The following CARD14 variants were observed in gnomAD, a reference collection of about 807,000 sequenced individuals.
CARD14 encodes the protein caspase recruitment domain-containing protein 14.
Under a neutral mutation model 111.5 loss-of-function variants are expected in CARD14, and 107 were observed. The observed-to-expected ratio is 0.96, with a 90% CI of 0.82 to 1.13. CARD14 has a LOEUF of 1.13. Among genes scored for constraint, CARD14 ranks in the 50% most tolerant of loss-of-function variants. CARD14 has a pLI of 0.00. For synonymous variants in CARD14, 617 were observed against 579.6 expected (o/e 1.06, Z -0.93); for missense variants, 1,322 against 1,362.3 (o/e 0.97, Z 0.47).
At position 80,199,007 on chromosome 17, in the gene CARD14, G is replaced by A. The variant is rs945555255; in HGVS notation, c.1851+416G>A. ...TCTGTCACCCAGGCTAGAGTGCTGCGGTGCGATCACAGCTCACTGCAGCCT... is the reference window on the plus strand; with the variant it reads ...TCTGTCACCCAGGCTAGAGTGCTGCAGTGCGATCACAGCTCACTGCAGCCT... On this transcript the variant is annotated intron_variant, in intron 16 of 23. Transcript: ENST00000648509. 40 of 810,526 alleles carry A rather than the reference G, an allele frequency of 4.9e-5. No homozygotes were observed. The South Asian group carries it at 5.9e-4, about 12-fold the overall frequency. The allele number at this position is 810,526 out of a possible 1,614,324, so 50.2% of individuals were successfully genotyped here. A position where few individuals can be genotyped will look rare whatever the true frequency, so the allele number is the denominator to read the frequency against.
chr17:80,201,973 G>A lies in CARD14; in HGVS notation c.1978+103G>A. The A allele has an allele frequency of 7.0e-7, 1 of 1,432,670 alleles. No individual in the cohort carries two copies. The highest frequency in any genetic ancestry group is 9.4e-7 in the Non-Finnish European group (1 of 1,061,374). 88.7% of individuals were successfully genotyped at this position (1,432,670 alleles called of 1,614,324 possible). A position where few individuals can be genotyped will look rare whatever the true frequency, so the allele number is the denominator to read the frequency against. On this transcript the variant is annotated intron_variant, in intron 17 of 23. Coordinates refer to ENST00000648509, the MANE Select transcript of CARD14 (RefSeq NM_001366385.1). This position sits in a 1 kb window ranked among gnomAD's most constrained non-coding sequence, Gnocchi z 5.0. The stretch of plus-strand genomic sequence containing the variant: ...CACGCCCAGCAGCCAGGGACCCCCA[G>A]AGCCAAGAGAGGATCAGCCAGGCTG...
rs1180519377 is a variant in CARD14, at chr17:80,198,724, T to G, written c.1851+133T>G. 1 of 1,568,380 alleles carries G rather than the reference T, an allele frequency of 6.4e-7. No homozygotes were observed. Among genetic ancestry groups the G allele is most frequent in the Non-Finnish European group, 8.6e-7 (1 of 1,159,200 alleles). On this transcript the variant is annotated intron_variant, in intron 16 of 23. Transcript: ENST00000648509. This position sits in a 1 kb window ranked among gnomAD's most constrained non-coding sequence, Gnocchi z 7.5. ...TCTGGGCTGGGCCTCTGCTCTTTCC[T>G]GGGCTGACGTAAAGCGTTCTGCTCA...
At position 80,204,323 on chromosome 17, in the gene CARD14, G is replaced by A. The variant is rs1276629687; in HGVS notation, c.2380G>A (p.Asp794Asn). Residue 794 changes from aspartate to asparagine, a missense_variant, in exon 20 of 24, where the codon GAC becomes AAC. By Grantham distance (23) the Asp-to-Asn change is conservative. Transcript: ENST00000648509. ...TTTGTCCTTTGACAGGGGCCAGTTG[G>A]ACCCCAGCAGGATGGAGGGTGAGGC... Reference protein sequence around the residue: ...LRLSFDRGQLDPSRMEGSSTC... With the variant: ...LRLSFDRGQLNPSRMEGSSTC... 2 of 1,582,796 alleles carry A rather than the reference G, an allele frequency of 1.3e-6. No homozygotes were observed. Among genetic ancestry groups the A allele is most frequent in the Non-Finnish European group, 1.7e-6 (2 of 1,159,796 alleles).
chr17:80,205,683 C>T, intron 22 of CARD14, 31 bp downstream of exon 22: 1 of 1,524,706 alleles, frequency 6.6e-7, no homozygotes. Context: ...GGCAGGGGAG[C>T]TGTCCTGGGA....
At position 80,189,971 on chromosome 17, in the gene CARD14, G is replaced by A; in HGVS notation, c.963+99G>A. On this transcript the variant is annotated intron_variant, in intron 9 of 23. Transcript: ENST00000648509. This position sits in a 1 kb window ranked among gnomAD's most constrained non-coding sequence, Gnocchi z 4.7. ...AGCCAGATTCCTTCATCCACGCCGA[G>A]CTCACATAATTTTGCTGAACGAATC... 1 of 1,472,100 alleles carries A rather than the reference G, an allele frequency of 6.8e-7. No individual in the cohort carries two copies. Among genetic ancestry groups the A allele is most frequent in the Non-Finnish European group, 8.9e-7 (1 of 1,117,470 alleles). 91.2% of individuals were successfully genotyped at this position (1,472,100 alleles called of 1,614,324 possible).
intron 4 of CARD14, 39 bp from the exon 5 acceptor site, chr17:80,181,380 C>A: frequency 6.7e-7 from 1 of 1,488,248 alleles, no homozygotes. Flanking sequence ...TGGGGTCCTG[C>A]TTACCTGACA....
In CARD14 at chr17:80,189,455, C is replaced by T. The variant is rs1457430183; in HGVS notation, c.844-298C>T. On this transcript the variant is annotated intron_variant, in intron 8 of 23. Coordinates refer to ENST00000648509, the MANE Select transcript of CARD14 (RefSeq NM_001366385.1). The surrounding 1 kb of genome is among the most constrained non-coding windows in gnomAD (Gnocchi z 4.7). Reference sequence around the variant, plus strand: ...ATGACCTGTCTGCTGGTTTCTCCCTCGCTGTGAAACTGCCGGTAGATCTGT... The same window carrying T: ...ATGACCTGTCTGCTGGTTTCTCCCTTGCTGTGAAACTGCCGGTAGATCTGT... Among the ~76,000 whole-genome samples the T allele has an allele frequency of 1.3e-5, 2 of 152,200 alleles. No homozygotes were observed. Among genetic ancestry groups the T allele is most frequent in the African/African-American group, 2.4e-5 (1 of 41,458 alleles).
chr17:80,199,724 C>CAA (rs553403089), intron 16 of CARD14, among the ~76,000 whole-genome samples: 3,214 of 116,636 alleles, frequency 0.028, 119 homozygotes, highest in African/African-American at 0.089. Context: ...ACTAAAAATA[C>CAA]AAAAAAAAAA....
Position 80,198,291 on chromosome 17 carries a change from GGGA to G in CARD14, c.1659-103_1659-101del, listed in dbSNP as rs1297778691. 6 of 1,565,660 alleles carry G rather than the reference GGGA, an allele frequency of 3.8e-6. No homozygotes were observed. Among genetic ancestry groups the G allele is most frequent in the Middle Eastern group, 1.8e-4 (1 of 5,626 alleles). On this transcript the variant is annotated intron_variant, in intron 15 of 23. Transcript: ENST00000648509. This position sits in a 1 kb window ranked among gnomAD's most constrained non-coding sequence, Gnocchi z 7.5. ...TTCCAAGCACATGGGGCCATGGAGGGGGAGGAGAATTCCAGAACACTGGGGCCA... is the reference window on the plus strand; with the variant it reads ...TTCCAAGCACATGGGGCCATGGAGGGGGAGAATTCCAGAACACTGGGGCCA...
chr17:80,183,844 T>C (rs1326009946), intron 6 of CARD14, 69 bp from the exon 7 acceptor site: 3 of 1,296,402 alleles, frequency 2.3e-6, no homozygotes, highest in African/African-American at 1.5e-5. Context: ...GCTCACCTGC[T>C]CACCTACCCA....
chr17:80,200,048 C>T (rs1221332365), intron 16 of CARD14, among the ~76,000 whole-genome samples: 3 of 151,720 alleles, frequency 2.0e-5, no homozygotes, highest in Non-Finnish European at 4.4e-5. Flanking sequence ...AGCACAGAGG[C>T]GGGGAGAGGA....
chr17:80,194,009 C>T (rs1055681409), intron 12 of CARD14, among the ~76,000 whole-genome samples: 2 of 152,204 alleles, frequency 1.3e-5, no homozygotes, highest in Middle Eastern at 3.4e-3. Flanking sequence ...GGCAACTGAC[C>T]GATCAGCTGC....
At position 80,189,177 on chromosome 17, in the gene CARD14, GA is replaced by G. The variant is rs369589014; in HGVS notation, c.844-573del. Among the ~76,000 whole-genome samples the G allele has an allele frequency of 6.8e-3, 1,035 of 152,318 alleles. 7 individuals carry two copies. The highest frequency in any genetic ancestry group is 0.021 in the African/African-American group (870 of 41,570). Reference sequence around the variant, plus strand: ...CATGGGATTCGCGTTAAGGATGGGGGAAAGAAACCTTTCTGCCTGGAAAGAC... The same window carrying G: ...CATGGGATTCGCGTTAAGGATGGGGGAAGAAACCTTTCTGCCTGGAAAGAC... On this transcript the variant is annotated intron_variant, in intron 8 of 23. Transcript: ENST00000648509. The surrounding 1 kb of genome is among the most constrained non-coding windows in gnomAD (Gnocchi z 4.7).
chr17:80,184,254 G>C lies in CARD14; in HGVS notation c.675+16G>C, dbSNP rs2040269954. ...GCAGGAGGAGGTAGGGGGACACCCT[G>C]CACCCCGGCGCGACCCTGCTGTCGT... On this transcript the variant is annotated intron_variant, in intron 7 of 23. Coordinates refer to ENST00000648509, the MANE Select transcript of CARD14 (RefSeq NM_001366385.1). 2 of 1,494,096 alleles carry C rather than the reference G, an allele frequency of 1.3e-6. No homozygotes were observed. Among genetic ancestry groups the C allele is most frequent in the African/African-American group, 1.4e-5 (1 of 72,098 alleles). The allele number at this position is 1,494,096 out of a possible 1,614,324, so 92.6% of individuals were successfully genotyped here. A position where few individuals can be genotyped will look rare whatever the true frequency, so the allele number is the denominator to read the frequency against.
intron 7 of CARD14, among the ~76,000 whole-genome samples, chr17:80,186,284 C>T (rs2040342286): frequency 6.6e-6 from 1 of 152,234 alleles, no homozygotes; most frequent in Non-Finnish European, 1.5e-5. Context: ...CCGTGGCTGA[C>T]TCTGTTCTTG....
In CARD14 at chr17:80,182,375, C is replaced by A. The variant is rs1031651527; in HGVS notation, c.212-278C>A. Among the ~76,000 whole-genome samples the A allele has an allele frequency of 6.6e-6, 1 of 152,232 alleles. No individual in the cohort carries two copies. The highest frequency in any genetic ancestry group is 2.4e-5 in the African/African-American group (1 of 41,456). ...ACCTCCTCACCCCGTCCCGGTCCCC[C>A]CGCACTCGCCAGAGCACTGGGGTTG... On this transcript the variant is annotated intron_variant, in intron 5 of 23. Transcript: ENST00000648509. The surrounding 1 kb of genome is among the most constrained non-coding windows in gnomAD (Gnocchi z 4.7).
chr17:80,174,985 T>C (rs1362731156), intron 2 of CARD14, among the ~76,000 whole-genome samples: 1 of 152,064 alleles, frequency 6.6e-6, no homozygotes, highest in Non-Finnish European at 1.5e-5. Context: ...TTCTTTCTTT[T>C]TTTTTTTTAA....
At position 80,190,105 on chromosome 17, in the gene CARD14, C is replaced by T. The variant is rs116075490; in HGVS notation, c.963+233C>T. Reference sequence around the variant, plus strand: ...TGCGTGATTCAAACGCAGGGGATTTCAGGGCCCAGGCCCCGGGGAGAGCCA... The same window carrying T: ...TGCGTGATTCAAACGCAGGGGATTTTAGGGCCCAGGCCCCGGGGAGAGCCA... On this transcript the variant is annotated intron_variant, in intron 9 of 23. Coordinates refer to ENST00000648509, the MANE Select transcript of CARD14 (RefSeq NM_001366385.1). Among the ~76,000 whole-genome samples the T allele has an allele frequency of 8.3e-3, 1,271 of 152,252 alleles. 18 individuals are homozygous for T. Among genetic ancestry groups the T allele is most frequent in the African/African-American group, 0.029 (1,190 of 41,548 alleles).
chr17:80,180,611 C>T (rs1038241764), intron 4 of CARD14, among the ~76,000 whole-genome samples: 3 of 152,198 alleles, frequency 2.0e-5, no homozygotes, highest in African/African-American at 4.8e-5. Flanking sequence ...GAGTCTTGCT[C>T]TGTTGCCCAG....
Sources: gnomAD v4.1 joint callset for allele counts (sites outside exome capture counted in the v4.1 genomes callset) on GRCh38, gnomAD v4.1.1 for gene constraint, Gnocchi (gnomAD v3.1) non-coding constraint, MANE v1.5 for transcripts, NCBI Gene and HGNC (gene_info 2026-07-23, HGNC 2026-07-21) for gene names.